Variants in VEZT observed in about 807,000 individuals in gnomAD.
VEZT encodes vezatin, adherens junctions transmembrane protein.
Under a neutral mutation model 79.9 loss-of-function variants are expected in VEZT, and 39 were observed. The observed-to-expected ratio is 0.49, with a 90% confidence interval of 0.38 to 0.64. The LOEUF (loss-of-function observed/expected upper bound fraction) is 0.64. Among genes scored for constraint, VEZT ranks in the 30% least tolerant of loss-of-function variants. The probability of loss-of-function intolerance (pLI) is 0.00; values close to 1 mark genes in which losing one functional copy is unlikely to be tolerated. For missense variants in VEZT, 837 were observed against 893.1 expected (o/e 0.94, Z 0.80); for synonymous variants, 325 against 327.6 (o/e 0.99, Z 0.09).
At chr12:95,268,973 C>G (rs1271184190) in intron 5 of VEZT, among the ~76,000 whole-genome samples, 1 of 152,134 alleles carries the variant, frequency 6.6e-6, no homozygotes, top group Non-Finnish European at 1.5e-5. Flanking sequence ...CCTTCATTCC[C>G]TTGTCTTAAC....
chr12:95,259,772 T>C (rs1331860923), intron 3 of VEZT, among the ~76,000 whole-genome samples: 1 of 152,258 alleles, frequency 6.6e-6, no homozygotes, highest in African/African-American at 2.4e-5. Flanking sequence ...CAAATAGTAC[T>C]GTCATGACAT....
chr12:95,218,185 G>GA (rs1054595499), intron 1 of VEZT: 2 of 202,200 alleles, frequency 9.9e-6, no homozygotes, highest in African/African-American at 6.6e-5. Flanking sequence ...GATGTGCGGC[G>GA]GGGGGGACTG....
chr12:95,289,477 A>G (rs1264794340), intron 9 of VEZT, among the ~76,000 whole-genome samples: 2 of 151,140 alleles, frequency 1.3e-5, no homozygotes, highest in African/African-American at 4.9e-5. Flanking sequence ...CCTTTAGCAC[A>G]CTATGAGATG....
At chr12:95,265,974 A>G (rs1022411068) in intron 4 of VEZT, among the ~76,000 whole-genome samples, 5 of 152,158 alleles carry the variant, frequency 3.3e-5, no homozygotes, top group Non-Finnish European at 5.9e-5. Context: ...GATGGGTGGT[A>G]TTTCTAGCTC....
At chr12:95,289,597 A>T (rs1418746155) in intron 9 of VEZT, among the ~76,000 whole-genome samples, 1 of 152,068 alleles carries the variant, frequency 6.6e-6, no homozygotes, top group African/African-American at 2.4e-5. Flanking sequence ...TATTTTCTGT[A>T]TGTGTGGCTT....
intron 11 of VEZT, among the ~76,000 whole-genome samples, chr12:95,298,217 T>C (rs184307855): frequency 6.6e-6 from 1 of 152,170 alleles, no homozygotes; most frequent in Non-Finnish European, 1.5e-5. Context: ...TACTAGTCTC[T>C]CCTTCTCCAT....
intron 9 of VEZT, among the ~76,000 whole-genome samples, chr12:95,289,889 T>C (rs916277648): frequency 2.0e-5 from 3 of 152,224 alleles, no homozygotes; most frequent in African/African-American, 7.2e-5. Context: ...TATGTATGTA[T>C]CTGTATGTGT....
chr12:95,282,719 C>T, intron 8 of VEZT, 75 bp downstream of exon 8: 1 of 1,304,044 alleles, frequency 7.7e-7, no homozygotes, highest in South Asian at 1.5e-5. Context: ...TGGTTGTTGG[C>T]TTGTGTCCTA....
chr12:95,243,186 C>T (rs1162015821), intron 1 of VEZT, among the ~76,000 whole-genome samples: 1 of 151,954 alleles, frequency 6.6e-6, no homozygotes, highest in Non-Finnish European at 1.5e-5. Context: ...CCAGCCTGGG[C>T]AACCTGGTGA....
intron 3 of VEZT, among the ~76,000 whole-genome samples, chr12:95,260,051 T>C: frequency 6.6e-6 from 1 of 151,992 alleles, no homozygotes; most frequent in Non-Finnish European, 1.5e-5. Flanking sequence ...TTGGTGCCTT[T>C]CAAGTTTATT....
chr12:95,237,368 G>A (rs190740059), intron 1 of VEZT, among the ~76,000 whole-genome samples: 3 of 152,204 alleles, frequency 2.0e-5, no homozygotes, highest in Admixed American at 2.0e-4. Flanking sequence ...TAAATGTTTA[G>A]TACTGCTGTT....
At chr12:95,254,612 G>C (rs1481899032) in intron 2 of VEZT, among the ~76,000 whole-genome samples, 1 of 152,104 alleles carries the variant, frequency 6.6e-6, no homozygotes, top group Non-Finnish European at 1.5e-5. Flanking sequence ...CTAAACTGCT[G>C]AGATTACAGG....
chr12:95,247,459 C>T (rs547685476), intron 1 of VEZT, among the ~76,000 whole-genome samples: 1 of 152,082 alleles, frequency 6.6e-6, no homozygotes, highest in East Asian at 1.9e-4. Context: ...ACAATCTGTT[C>T]TTCTCAATAA....
At chr12:95,259,021 C>T (rs1259098871) in intron 3 of VEZT, among the ~76,000 whole-genome samples, 2 of 152,162 alleles carry the variant, frequency 1.3e-5, no homozygotes, top group African/African-American at 4.8e-5. Context: ...CAAATCAAGT[C>T]CAAATTTGTC....
intron 4 of VEZT, among the ~76,000 whole-genome samples, chr12:95,264,118 G>A (rs1350918342): frequency 3.9e-5 from 6 of 152,124 alleles, no homozygotes; most frequent in African/African-American, 1.4e-4. Context: ...TGGCCTCAAG[G>A]TTCTGTATTT....
chr12:95,301,857 A>G lies in VEZT; in HGVS notation c.*1184A>G, dbSNP rs1176462372. Reference sequence around the variant, plus strand: ...TGTAACTTATCACTTTCAGTGAGTAAATTTACTTATACCAAAGGGGATTTT... The same window carrying G: ...TGTAACTTATCACTTTCAGTGAGTAGATTTACTTATACCAAAGGGGATTTT... On this transcript the variant is annotated 3_prime_UTR_variant, in exon 12 of 12. Coordinates refer to ENST00000436874, the MANE Select transcript of VEZT (RefSeq NM_017599.4). 6.6e-6 allele frequency: 1 copy of G among 152,184 alleles called. No homozygotes were observed. Among genetic ancestry groups the G allele is most frequent in the Non-Finnish European group, 1.5e-5 (1 of 68,038 alleles). 9.4% of individuals were successfully genotyped at this position (152,184 alleles called of 1,614,324 possible). A position where few individuals can be genotyped will look rare whatever the true frequency, so the allele number is the denominator to read the frequency against.
chr12:95,249,863 T>A lies in VEZT; in HGVS notation c.37-2077T>A, dbSNP rs573749164. On this transcript the variant is annotated intron_variant, in intron 1 of 11. Coordinates refer to ENST00000436874, the MANE Select transcript of VEZT (RefSeq NM_017599.4). ...AGAGTATAATCCTGCTTTTTCTAAC[T>A]GAGTGAACCCGTTTCCTCATCTATG... Among the ~76,000 whole-genome samples the A allele has an allele frequency of 3.3e-5, 5 of 152,216 alleles. No homozygotes were observed. The East Asian group carries it at 9.6e-4, about 29-fold the overall frequency.
intron 1 of VEZT, among the ~76,000 whole-genome samples, chr12:95,244,749 T>G (rs1336061351): frequency 6.6e-6 from 1 of 151,040 alleles, no homozygotes; most frequent in Non-Finnish European, 1.5e-5. Context: ...ATTTATTTGT[T>G]GAAGAAATTT....
At chr12:95,237,418 G>T (rs570902065) in intron 1 of VEZT, among the ~76,000 whole-genome samples, 1 of 152,256 alleles carries the variant, frequency 6.6e-6, no homozygotes, top group South Asian at 2.1e-4. Flanking sequence ...CAACCAACCA[G>T]ATAGGAACTA....
Sources: allele counts gnomAD v4.1 joint callset (sites outside exome capture counted in the v4.1 genomes callset), GRCh38; gene constraint gnomAD v4.1.1; transcripts MANE v1.5; gene names NCBI Gene and HGNC (gene_info 2026-07-23, HGNC 2026-07-21).